Variants in PCMT1 observed in about 807,000 individuals in gnomAD.
PCMT1 encodes protein-L-isoaspartate (D-aspartate) O-methyltransferase.
In PCMT1, 9 loss-of-function variants were observed where a neutral mutation model predicts 29.2. The observed-to-expected ratio is 0.31, with a 90% CI of 0.19 to 0.54. The LOEUF (loss-of-function observed/expected upper bound fraction) is 0.54. Ranked by LOEUF, PCMT1 falls within the 20% of genes least tolerant of loss-of-function variation. PCMT1 has a pLI of 0.95. For missense variants in PCMT1, 184 were observed against 282.2 expected, an observed-to-expected ratio of 0.65 and a Z score of 2.49; for synonymous variants, 98 against 97.5, an observed-to-expected ratio of 1.00 and a Z score of -0.03.
intron 7 of PCMT1, chr6:149,802,617 TTG>T: frequency 1.8e-6 from 1 of 569,086 alleles, no homozygotes; most frequent in East Asian, 5.1e-5. Context: ...CTTTTTTTGT[TTG>T]TTTGTTTGTT....
At chr6:149,769,746 G>A (rs972826644) in intron 1 of PCMT1, among the ~76,000 whole-genome samples, 10 of 147,100 alleles carry the variant, frequency 6.8e-5, no homozygotes, top group Non-Finnish European at 1.5e-4. Context: ...CTACATGGTT[G>A]TGCCATGATC....
Position 149,802,230 on chromosome 6 carries a change from T to C in PCMT1, c.535T>C (p.Leu179=). Residue 179 remains leucine, a synonymous_variant, in exon 7 of 8, where the codon TTG becomes CTG. Transcript: ENST00000464889. The part of the protein sequence containing the change: ...LIDQLKPGGR[L]ILPVGPAGGN... ...AGATCAGTTAAAGCCCGGAGGAAGA[T>C]TGATATTGCCTGTTGGTCCTGCAGG... 6.2e-7 allele frequency: 1 copy of C among 1,612,054 alleles called. No individual in the cohort carries two copies. The highest frequency in any genetic ancestry group is 8.5e-7 in the Non-Finnish European group (1 of 1,178,682).
At chr6:149,772,704 GATC>G (rs1052592656) in intron 2 of PCMT1, 33 of 403,620 alleles carry the variant, frequency 8.2e-5, no homozygotes, top group South Asian at 5.5e-4. Flanking sequence ...ATTTTCTTGA[GATC>G]ATAAAAACTA....
Position 149,771,188 on chromosome 6 carries a change from G to A in PCMT1, c.82G>A (p.Val28Ile). Residue 28 changes from valine to isoleucine, a missense_variant, in exon 2 of 8, where the codon GTA becomes ATA. Transcript: ENST00000464889. Reference sequence around the variant, plus strand: ...AAATGGAATCATCAAGACAGATAAAGTATTTGAAGTGATGCTGGCTACAGA... The same window carrying A: ...AAATGGAATCATCAAGACAGATAAAATATTTGAAGTGATGCTGGCTACAGA... The part of the protein sequence containing the change: ...RKNGIIKTDK[V>I]FEVMLATDRS... 3 of 1,611,502 alleles carry A rather than the reference G, an allele frequency of 1.9e-6. No homozygotes were observed. The highest frequency in any genetic ancestry group is 2.5e-6 in the Non-Finnish European group (3 of 1,177,922).
At chr6:149,773,297 A>G in intron 3 of PCMT1, 128 bp downstream of exon 3, 1 of 709,694 alleles carries the variant, frequency 1.4e-6, no homozygotes. Flanking sequence ...ATTGGTAATG[A>G]ACATCATTTT....
chr6:149,769,770 A>ATTTTTTTT (rs34274281), intron 1 of PCMT1, among the ~76,000 whole-genome samples: 1 of 99,714 alleles, frequency 1.0e-5, no homozygotes, highest in Non-Finnish European at 1.8e-5. Flanking sequence ...AGCTAATTAA[A>ATTTTTTTT]TTTTTTTTTT....
Position 149,773,182 on chromosome 6 carries a change from T to G in PCMT1, c.192+13T>G. 1 of 1,599,542 alleles carries G rather than the reference T, an allele frequency of 6.3e-7. No individual in the cohort carries two copies. Among genetic ancestry groups the G allele is most frequent in the Non-Finnish European group, 8.6e-7 (1 of 1,168,876 alleles). On this transcript the variant is annotated intron_variant, in intron 3 of 7. Transcript: ENST00000464889. ...TGCTCCACACATGGTAAGTTAAGTT[T>G]GTTCACTTGGTTACAAATGGATTAC... is the stretch of plus-strand genomic sequence containing the variant.
At chr6:149,772,364 A>G (rs770289679) in intron 2 of PCMT1, 6 of 322,190 alleles carry the variant, frequency 1.9e-5, no homozygotes, top group Non-Finnish European at 3.0e-5. Flanking sequence ...GAAGTATTTT[A>G]TTGGTCTTTT....
chr6:149,793,438 A>G (rs1788462589), intron 4 of PCMT1, 111 bp from the exon 5 acceptor site: 1 of 900,448 alleles, frequency 1.1e-6, no homozygotes, highest in Non-Finnish European at 1.5e-6. Flanking sequence ...GCCTTAAGCT[A>G]TTTTTGTTTT....
chr6:149,787,847 G>A (rs28615673), intron 3 of PCMT1, among the ~76,000 whole-genome samples: 7 of 150,376 alleles, frequency 4.7e-5, no homozygotes, highest in Non-Finnish European at 8.8e-5. Context: ...GTGTGTGTAT[G>A]TGTGTGTATT....
intron 7 of PCMT1, among the ~76,000 whole-genome samples, chr6:149,809,786 CCT>C (rs1415201242): frequency 7.2e-5 from 11 of 152,040 alleles, no homozygotes; most frequent in South Asian, 2.1e-4. Flanking sequence ...ATTTCTTTCC[CCT>C]CTTTCTATAT....
intron 1 of PCMT1, among the ~76,000 whole-genome samples, chr6:149,764,195 G>C (rs1273648247): frequency 6.6e-6 from 1 of 152,158 alleles, no homozygotes; most frequent in Non-Finnish European, 1.5e-5. Flanking sequence ...TATGTTAGTA[G>C]CAGTATAGTG....
In PCMT1 at chr6:149,750,747, A is replaced by G. The variant is rs571095022; in HGVS notation, c.55+791A>G. ...TTATATCACTCTCCTTAGTTACTGTATTCCTTCTTCTGATGATAATTTTAG... is the reference window on the plus strand; with the variant it reads ...TTATATCACTCTCCTTAGTTACTGTGTTCCTTCTTCTGATGATAATTTTAG... On this transcript the variant is annotated intron_variant, in intron 1 of 7. Transcript: ENST00000464889. Among the ~76,000 whole-genome samples the G allele has an allele frequency of 2.0e-5, 3 of 152,140 alleles. No individual in the cohort carries two copies. In the South Asian group the frequency reaches 6.2e-4, roughly 32 times the overall value.
Position 149,802,615 on chromosome 6 carries a change from G to T in PCMT1, c.*37+199G>T, listed in dbSNP as rs3828703. 4.9e-3 allele frequency: 996 copies of T among 203,498 alleles called. 2 individuals carry two copies. In the East Asian group the frequency reaches 0.13, roughly 26 times the overall value. The allele number at this position is 203,498 out of a possible 1,614,324, so 12.6% of individuals were successfully genotyped here. Reference sequence around the variant, plus strand: ...CTTGGTTGGCACAAAGGCTTTTTTTGTTTGTTTGTTTGTTTTTTTTTTAGA... The same window carrying T: ...CTTGGTTGGCACAAAGGCTTTTTTTTTTTGTTTGTTTGTTTTTTTTTTAGA... On this transcript the variant is annotated intron_variant, in intron 7 of 7. Transcript: ENST00000464889.
At chr6:149,790,111 G>T in intron 4 of PCMT1, 53 bp downstream of exon 4, 1 of 1,085,304 alleles carries the variant, frequency 9.2e-7, no homozygotes, top group South Asian at 1.5e-5. Flanking sequence ...TATATGATTT[G>T]GCTGTATGTT....
At chr6:149,786,391 C>T (rs570921403) in intron 3 of PCMT1, among the ~76,000 whole-genome samples, 5,350 of 109,930 alleles carry the variant, frequency 0.049, 1,426 homozygotes, top group African/African-American at 0.25. Context: ...CCCTCCCGGA[C>T]GGGGTGGCTG....
In PCMT1 at chr6:149,779,033, T is replaced by C. The variant is rs1357506781; in HGVS notation, c.192+5864T>C. Among the ~76,000 whole-genome samples, 7 of 152,030 alleles carry C rather than the reference T, an allele frequency of 4.6e-5. No homozygotes were observed. In the South Asian group the frequency reaches 1.2e-3, roughly 27 times the overall value. ...TTTTTCTTGAAGGTAGAACGTAATA[T>C]AGCCCCACCCCACCCCCCCACTCTG... On this transcript the variant is annotated intron_variant, in intron 3 of 7. Transcript: ENST00000464889.
At chr6:149,761,026 AGTGTGTGTGTGTGT>A (rs57501586) in intron 1 of PCMT1, among the ~76,000 whole-genome samples, 2 of 149,642 alleles carry the variant, frequency 1.3e-5, no homozygotes, top group Non-Finnish European at 3.0e-5. Flanking sequence ...CAGGTAAAAA[AGTGTGTGTGTGTGT>A]GTGTGTGTGT....
At chr6:149,801,006 C>T (rs187721707) in intron 6 of PCMT1, among the ~76,000 whole-genome samples, 181 of 152,334 alleles carry the variant, frequency 1.2e-3, no homozygotes, top group Non-Finnish European at 1.9e-3. Context: ...AAGACACAGT[C>T]CCCATCCTCA....
Sources: allele counts gnomAD v4.1 joint callset (sites outside exome capture counted in the v4.1 genomes callset), GRCh38; gene constraint gnomAD v4.1.1; transcripts MANE v1.5; gene names NCBI Gene and HGNC (gene_info 2026-07-23, HGNC 2026-07-21).